MAPK8IP3: variants seen among roughly 807,000 people sequenced by gnomAD.
MAPK8IP3 encodes mitogen-activated protein kinase 8 interacting protein 3.
A neutral mutation model predicts 157.8 loss-of-function variants in MAPK8IP3; 49 were observed. The observed-to-expected ratio is 0.31, with a 90% CI of 0.25 to 0.39. MAPK8IP3 has a LOEUF of 0.39. Ranked by LOEUF, MAPK8IP3 falls within the 10% of genes least tolerant of loss-of-function variation. The probability of loss-of-function intolerance (pLI) is 1.00; values close to 1 mark genes in which losing one functional copy is unlikely to be tolerated. For missense variants in MAPK8IP3, 1,478 were observed against 1,889.4 expected, an observed-to-expected ratio of 0.78 and a Z score of 4.04; for synonymous variants, 897 against 777.7, an observed-to-expected ratio of 1.15 and a Z score of -2.55.
chr16:1,709,797 T>C (rs1310738008), intron 1 of MAPK8IP3, among the ~76,000 whole-genome samples: 1 of 152,240 alleles, frequency 6.6e-6, no homozygotes, highest in Non-Finnish European at 1.5e-5. Context: ...TCTCCCATAG[T>C]GATCAACTGC....
At chr16:1,721,749 C>G (rs2038538755) in intron 1 of MAPK8IP3, among the ~76,000 whole-genome samples, 1 of 150,012 alleles carries the variant, frequency 6.7e-6, no homozygotes, top group Non-Finnish European at 1.5e-5. Flanking sequence ...CCTATAAAAA[C>G]TTTGTTTTTT....
rs865927123 is a variant in MAPK8IP3 at position 1,766,778 on chromosome 16, C to T, written c.2995C>T (p.Leu999=). The part of the protein sequence containing the change: ...NWKKCLHSIK[L]KDSVLSLVHV... ...GAAGAAGTGCCTGCACTCCATCAAGCTGAAGGATTCTGTGCTGAGCCTGGT... is the reference window on the plus strand; with the variant it reads ...GAAGAAGTGCCTGCACTCCATCAAGTTGAAGGATTCTGTGCTGAGCCTGGT... The change falls in exon 24 of 32, where the codon CTG becomes TTG. Residue 999 remains leucine (L), a synonymous_variant. Transcript: ENST00000610761. The T allele has an allele frequency of 3.5e-5, 57 of 1,612,814 alleles. 2 individuals are homozygous for T. The Middle Eastern group carries it at 6.1e-3, about 173-fold the overall frequency.
intron 4 of MAPK8IP3, among the ~76,000 whole-genome samples, 181 bp downstream of exon 4, chr16:1,729,759 G>T (rs529710307): frequency 2.1e-4 from 32 of 152,132 alleles, no homozygotes; most frequent in East Asian, 5.8e-4. Context: ...GCAGGGATGT[G>T]GGGGGGCGGC....
At chr16:1,738,650 G>C (rs1005819949) in intron 4 of MAPK8IP3, among the ~76,000 whole-genome samples, 2 of 113,236 alleles carry the variant, frequency 1.8e-5, no homozygotes, top group African/African-American at 6.4e-5. Flanking sequence ...GCGTCCGTGT[G>C]AGTGTGACCA....
chr16:1,735,219 T>C (rs1366784871), intron 4 of MAPK8IP3, among the ~76,000 whole-genome samples: 2 of 152,148 alleles, frequency 1.3e-5, no homozygotes, highest in Non-Finnish European at 2.9e-5. Context: ...ATCCTGGCCG[T>C]CCGTGTGAGC....
At chr16:1,736,084 G>A (rs1276172553) in intron 4 of MAPK8IP3, among the ~76,000 whole-genome samples, 1 of 130,322 alleles carries the variant, frequency 7.7e-6, no homozygotes, top group Non-Finnish European at 1.6e-5. Flanking sequence ...CCGTGTGAGA[G>A]TGTGACCGTC....
At chr16:1,750,413 A>G (rs1409300707) in intron 8 of MAPK8IP3, among the ~76,000 whole-genome samples, 3 of 151,848 alleles carry the variant, frequency 2.0e-5, no homozygotes, top group African/African-American at 7.3e-5. Flanking sequence ...GGGTTTCACA[A>G]TATTTGCCAG....
At chr16:1,721,798 C>G (rs1443219852) in intron 1 of MAPK8IP3, among the ~76,000 whole-genome samples, 1 of 151,770 alleles carries the variant, frequency 6.6e-6, no homozygotes, top group African/African-American at 2.4e-5. Flanking sequence ...GAGACTGAGT[C>G]TTGCTCTGTC....
chr16:1,767,018 G>A, intron 25 of MAPK8IP3, 47 bp downstream of exon 25: 1 of 1,567,948 alleles, frequency 6.4e-7, no homozygotes. Context: ...TGATGGCCCT[G>A]GCATTGTTTA....
intron 9 of MAPK8IP3, among the ~76,000 whole-genome samples, chr16:1,758,723 C>T (rs536951890): frequency 2.4e-3 from 359 of 152,352 alleles, no homozygotes; most frequent in Non-Finnish European, 4.4e-3. Flanking sequence ...ATGTTAGCTT[C>T]CTGCTCCACA....
chr16:1,716,636 G>A (rs962135238), intron 1 of MAPK8IP3, among the ~76,000 whole-genome samples: 2 of 152,018 alleles, frequency 1.3e-5, no homozygotes, highest in African/African-American at 2.4e-5. Flanking sequence ...CGAAAATGCT[G>A]GGCATGGTGG....
At chr16:1,730,740 G>C (rs796483319) in intron 4 of MAPK8IP3, among the ~76,000 whole-genome samples, 35 of 152,166 alleles carry the variant, frequency 2.3e-4, no homozygotes, top group African/African-American at 8.0e-4. Context: ...CTATTCTGGA[G>C]GCTGAGGCAG....
Position 1,768,913 on chromosome 16 carries a change from C to G in MAPK8IP3, c.*89C>G. On this transcript the variant is annotated 3_prime_UTR_variant, in exon 32 of 32. Transcript: ENST00000610761. ...CCGCGGGGTAGCCAGCCAGGCGCCG[C>G]CGCCCCTCTTCTAACCTCTCAACCT... 2 of 1,484,036 alleles carry G rather than the reference C, an allele frequency of 1.3e-6. No homozygotes were observed. The highest frequency in any genetic ancestry group is 2.1e-4 in the Middle Eastern group (1 of 4,678). 91.9% of individuals were successfully genotyped at this position (1,484,036 alleles called of 1,614,324 possible).
chr16:1,722,765 C>T (rs992229203), intron 1 of MAPK8IP3, among the ~76,000 whole-genome samples: 44 of 150,916 alleles, frequency 2.9e-4, no homozygotes, highest in Admixed American at 9.2e-4. Context: ...AGTGCGGTGG[C>T]GCTATCTTGG....
At chr16:1,748,204 A>AGT (rs1230008053) in intron 6 of MAPK8IP3, 40 bp from the exon 7 acceptor site, 2 of 1,509,504 alleles carry the variant, frequency 1.3e-6, no homozygotes, top group Non-Finnish European at 1.8e-6. Context: ...AGGCTGCCAG[A>AGT]CCCTCTCCTG....
At chr16:1,712,041 C>A (rs2037814300) in intron 1 of MAPK8IP3, among the ~76,000 whole-genome samples, 1 of 146,698 alleles carries the variant, frequency 6.8e-6, no homozygotes, top group South Asian at 2.1e-4. Flanking sequence ...TTCTTTTGGC[C>A]TCAGGAGTTC....
intron 1 of MAPK8IP3, among the ~76,000 whole-genome samples, chr16:1,723,796 G>A (rs2038693532): frequency 6.6e-6 from 1 of 152,252 alleles, no homozygotes; most frequent in South Asian, 2.1e-4. Flanking sequence ...CACACCTGGG[G>A]CCTCACTGGC....
At chr16:1,759,019 C>G in intron 10 of MAPK8IP3, 24 bp downstream of exon 10, 1 of 1,613,920 alleles carries the variant, frequency 6.2e-7, no homozygotes, top group Admixed American at 1.7e-5. Flanking sequence ...CCCGTTCCAG[C>G]GTGCGTCGCT....
At chr16:1,763,938 T>C in intron 17 of MAPK8IP3, 155 bp downstream of exon 17, 1 of 1,066,024 alleles carries the variant, frequency 9.4e-7, no homozygotes. Context: ...CTAGTGAGCC[T>C]CCTGGGCAGG....
Sources: allele counts gnomAD v4.1 joint callset (sites outside exome capture counted in the v4.1 genomes callset), GRCh38; gene constraint gnomAD v4.1.1; transcripts MANE v1.5; gene names NCBI Gene and HGNC (gene_info 2026-07-23, HGNC 2026-07-21).